The following EPB41L5 variants were observed in gnomAD, a reference collection of about 807,000 sequenced individuals.
EPB41L5 encodes band 4.1-like protein 5.
Under a neutral mutation model 106.6 loss-of-function variants are expected in EPB41L5, and 55 were observed. That is an observed-to-expected ratio of 0.52 (90% CI 0.42 to 0.65). The LOEUF is 0.65. EPB41L5 is among the 30% of genes least tolerant of loss of function. The probability of loss-of-function intolerance (pLI) is 0.00; values close to 1 mark genes in which losing one functional copy is unlikely to be tolerated. For synonymous variants in EPB41L5, 297 were observed against 306.7 expected (o/e 0.97, Z 0.33); for missense variants, 871 against 882.1 (o/e 0.99, Z 0.16).
chr2:120,070,583 C>T (rs973157038), intron 3 of EPB41L5, among the ~76,000 whole-genome samples: 1 of 152,178 alleles, frequency 6.6e-6, no homozygotes, highest in Non-Finnish European at 1.5e-5. Context: ...ATGCGAAAAT[C>T]CTCAATAAAA....
At chr2:120,038,796 C>G (rs1228562416) in intron 2 of EPB41L5, among the ~76,000 whole-genome samples, 2 of 152,208 alleles carry the variant, frequency 1.3e-5, no homozygotes, top group East Asian at 3.9e-4. Flanking sequence ...ACAGAATTAG[C>G]ATATGACCCA....
chr2:120,014,586 T>C (rs1677383833), intron 1 of EPB41L5, among the ~76,000 whole-genome samples: 1 of 152,190 alleles, frequency 6.6e-6, no homozygotes, highest in Non-Finnish European at 1.5e-5. Context: ...GACTCACAAG[T>C]CTGAGATTGC....
intron 2 of EPB41L5, among the ~76,000 whole-genome samples, chr2:120,036,815 G>T (rs969227295): frequency 6.6e-6 from 1 of 152,032 alleles, no homozygotes; most frequent in Non-Finnish European, 1.5e-5. Flanking sequence ...ATCATATTTA[G>T]AATTCTTTCC....
chr2:120,024,411 G>A (rs1299970506), intron 2 of EPB41L5, among the ~76,000 whole-genome samples: 1 of 152,120 alleles, frequency 6.6e-6, no homozygotes, highest in East Asian at 1.9e-4. Flanking sequence ...TTTTATCAAA[G>A]GTCTTTTCTG....
chr2:120,078,006 C>T (rs1035327494), intron 9 of EPB41L5, among the ~76,000 whole-genome samples: 1 of 152,026 alleles, frequency 6.6e-6, no homozygotes, highest in East Asian at 1.9e-4. Context: ...TTTCAGACAA[C>T]CAGATCTTGT....
intron 16 of EPB41L5, among the ~76,000 whole-genome samples, chr2:120,118,956 G>A (rs1348840588): frequency 1.3e-5 from 2 of 152,200 alleles, no homozygotes; most frequent in Non-Finnish European, 2.9e-5. Context: ...CCCACCAACA[G>A]TGTAAAACAT....
chr2:120,156,484 A>C (rs541032603), intron 20 of EPB41L5, among the ~76,000 whole-genome samples: 1 of 152,070 alleles, frequency 6.6e-6, no homozygotes. Context: ...CCACCAGTGC[A>C]CCTATGTCCA....
chr2:120,117,758 G>A (rs761215020), intron 16 of EPB41L5, among the ~76,000 whole-genome samples: 7 of 152,086 alleles, frequency 4.6e-5, no homozygotes, highest in Non-Finnish European at 7.4e-5. Context: ...TATGTTCCAC[G>A]TAGTTTTCAT....
rs73952012 is a variant in EPB41L5, at chr2:120,075,534, A to G, written c.452+14A>G. 2,305 of 1,533,444 alleles carry G rather than the reference A, an allele frequency of 1.5e-3. 26 individuals carry two copies. The African/African-American group carries it at 0.027, about 18-fold the overall frequency. The allele number at this position is 1,533,444 out of a possible 1,614,324, so 95.0% of individuals were successfully genotyped here. ...TCTCAGTGGAAAGTGAGTATTAGTTATTTAAGGATAAATGCACATTTTCGT... is the reference window on the plus strand; with the variant it reads ...TCTCAGTGGAAAGTGAGTATTAGTTGTTTAAGGATAAATGCACATTTTCGT... On this transcript the variant is annotated intron_variant, in intron 6 of 24. Transcript: ENST00000263713.
At chr2:120,107,096 G>T (rs1684498219) in intron 16 of EPB41L5, among the ~76,000 whole-genome samples, 1 of 150,752 alleles carries the variant, frequency 6.6e-6, no homozygotes, top group Non-Finnish European at 1.5e-5. Context: ...TTTCATTGTT[G>T]TTCACTGTTC....
chr2:120,110,282 C>T (rs1450458547), intron 16 of EPB41L5, among the ~76,000 whole-genome samples: 1 of 152,198 alleles, frequency 6.6e-6, no homozygotes, highest in African/African-American at 2.4e-5. Flanking sequence ...ACGCCATTGT[C>T]TTCTAACAAG....
chr2:120,080,519 G>T (rs878872244), intron 10 of EPB41L5, among the ~76,000 whole-genome samples: 2 of 152,110 alleles, frequency 1.3e-5, no homozygotes, highest in Non-Finnish European at 1.5e-5. Flanking sequence ...GATGGACATT[G>T]GGGTTGGTTC....
chr2:120,122,229 T>C (rs947647735), intron 16 of EPB41L5, among the ~76,000 whole-genome samples: 1 of 152,220 alleles, frequency 6.6e-6, no homozygotes, highest in African/African-American at 2.4e-5. Flanking sequence ...CTTTTGGTGT[T>C]TTAGTCATGG....
intron 2 of EPB41L5, among the ~76,000 whole-genome samples, chr2:120,027,744 A>G (rs1476599424): frequency 6.6e-6 from 1 of 152,142 alleles, no homozygotes; most frequent in East Asian, 1.9e-4. Flanking sequence ...ATGTTCTAAA[A>G]TTGATTTTTG....
At chr2:120,050,162 G>T (rs560772835) in intron 3 of EPB41L5, among the ~76,000 whole-genome samples, 2 of 152,212 alleles carry the variant, frequency 1.3e-5, no homozygotes, top group South Asian at 4.2e-4. Flanking sequence ...TCTTCTCGAG[G>T]AGTATCTTTG....
intron 3 of EPB41L5, among the ~76,000 whole-genome samples, chr2:120,045,024 A>C (rs1448096408): frequency 2.6e-5 from 4 of 152,218 alleles, no homozygotes; most frequent in East Asian, 1.9e-4. Context: ...GTGTGGCCAT[A>C]TTCAACCTCA....
chr2:120,041,459 G>T (rs1029331791), intron 2 of EPB41L5, among the ~76,000 whole-genome samples: 4 of 152,054 alleles, frequency 2.6e-5, no homozygotes, highest in African/African-American at 9.7e-5. Context: ...CATCATCACA[G>T]TACTTTTCTT....
intron 6 of EPB41L5, 59 bp downstream of exon 6, chr2:120,075,579 T>C: frequency 6.9e-7 from 1 of 1,440,616 alleles, no homozygotes; most frequent in Non-Finnish European, 9.7e-7. Flanking sequence ...AAAAATTATT[T>C]TGAAAATAAG....
intron 18 of EPB41L5, among the ~76,000 whole-genome samples, chr2:120,141,862 G>T (rs1686187161): frequency 6.6e-6 from 1 of 152,058 alleles, no homozygotes; most frequent in Admixed American, 6.6e-5. Flanking sequence ...GAATATGTTA[G>T]AGGTATGCAG....
Sources: allele counts gnomAD v4.1 joint callset (sites outside exome capture counted in the v4.1 genomes callset), GRCh38; gene constraint gnomAD v4.1.1; transcripts MANE v1.5; gene names NCBI Gene and HGNC (gene_info 2026-07-23, HGNC 2026-07-21).